Variants in ENTREP2 observed in about 807,000 individuals in gnomAD.
ENTREP2 encodes endosomal transmembrane epsin interactor 2.
the ENTREP2 span, among the ~76,000 whole-genome samples, chr15:29,435,466 T>C: frequency 1.3e-5 from 2 of 152,204 alleles, no homozygotes; most frequent in South Asian, 2.1e-4. Context: ...TGGGGCAAAT[T>C]TTCAGCACTG....
the ENTREP2 span, among the ~76,000 whole-genome samples, chr15:29,557,650 G>A: frequency 6.6e-6 from 1 of 152,180 alleles, no homozygotes; most frequent in Non-Finnish European, 1.5e-5. Flanking sequence ...TGCCCTAGCA[G>A]GCACTGTGTA....
the ENTREP2 span, among the ~76,000 whole-genome samples, chr15:29,119,055 G>GC: frequency 3.9e-5 from 6 of 152,226 alleles, no homozygotes; most frequent in South Asian, 4.2e-4. Flanking sequence ...TCACCTAGCC[G>GC]CCCAGAGGGT....
chr15:29,557,469 C>A, the ENTREP2 span, among the ~76,000 whole-genome samples: 1 of 152,172 alleles, frequency 6.6e-6, no homozygotes, highest in Non-Finnish European at 1.5e-5. Context: ...AGGCCCCTCT[C>A]TCCACCCTCC....
At chr15:29,356,716 T>A in the ENTREP2 span, among the ~76,000 whole-genome samples, 2 of 152,086 alleles carry the variant, frequency 1.3e-5, no homozygotes, top group Non-Finnish European at 2.9e-5. Flanking sequence ...AAAACTCCAA[T>A]GAAATACTCT....
At chr15:29,174,918 G>A in the ENTREP2 span, among the ~76,000 whole-genome samples, 2 of 152,232 alleles carry the variant, frequency 1.3e-5, no homozygotes, top group African/African-American at 4.8e-5. Context: ...TAAGCACATA[G>A]GTAATGCATG....
chr15:29,633,914 G>C, the ENTREP2 span, among the ~76,000 whole-genome samples: 1 of 152,086 alleles, frequency 6.6e-6, no homozygotes, highest in South Asian at 2.1e-4. Context: ...AGTCGAGATC[G>C]TGCCTCTGCA....
chr15:29,491,270 G>C, the ENTREP2 span, among the ~76,000 whole-genome samples: 1 of 152,170 alleles, frequency 6.6e-6, no homozygotes, highest in Non-Finnish European at 1.5e-5. Flanking sequence ...ACACCTCCCC[G>C]TAAGCAGAGG....
the ENTREP2 span, among the ~76,000 whole-genome samples, chr15:29,459,276 G>A: frequency 6.6e-6 from 1 of 152,188 alleles, no homozygotes; most frequent in African/African-American, 2.4e-5. Context: ...AAGATGGGGT[G>A]CAAGGACAGT....
chr15:29,187,175 G>A, the ENTREP2 span, among the ~76,000 whole-genome samples: 1 of 152,084 alleles, frequency 6.6e-6, no homozygotes, highest in Admixed American at 6.5e-5. Flanking sequence ...CAGGACAGAG[G>A]GAAGGATTGA....
chr15:29,643,652 A>G, the ENTREP2 span, among the ~76,000 whole-genome samples: 22,184 of 151,848 alleles, frequency 0.15, 3,166 homozygotes, highest in African/African-American at 0.38. Context: ...CATGGTGGTG[A>G]GCACCTGAGT....
chr15:29,176,593 T>C, the ENTREP2 span, among the ~76,000 whole-genome samples: 4 of 152,222 alleles, frequency 2.6e-5, no homozygotes, highest in African/African-American at 9.6e-5. Context: ...CCAGGAAGTG[T>C]GGCACATGCA....
chr15:29,528,076 G>A, the ENTREP2 span, among the ~76,000 whole-genome samples: 1 of 152,118 alleles, frequency 6.6e-6, no homozygotes, highest in African/African-American at 2.4e-5. Context: ...CTAGGTGAAG[G>A]TGACAAACTC....
the ENTREP2 span, among the ~76,000 whole-genome samples, chr15:29,321,251 G>T: frequency 6.6e-6 from 1 of 152,070 alleles, no homozygotes; most frequent in Non-Finnish European, 1.5e-5. Flanking sequence ...AATTACAGTC[G>T]ATTTATCATC....
chr15:29,241,435 C>A, the ENTREP2 span, among the ~76,000 whole-genome samples: 1 of 151,922 alleles, frequency 6.6e-6, no homozygotes, highest in African/African-American at 2.4e-5. Flanking sequence ...TGTGCATACA[C>A]AAAAATGGAT....
chr15:29,665,621 T>C, the ENTREP2 span, among the ~76,000 whole-genome samples: 1 of 152,116 alleles, frequency 6.6e-6, no homozygotes, highest in Admixed American at 6.5e-5. Context: ...CTGGCTGAGA[T>C]CTCTTTCTTC....
At chr15:29,160,951 C>T in the ENTREP2 span, among the ~76,000 whole-genome samples, 5 of 152,028 alleles carry the variant, frequency 3.3e-5, no homozygotes, top group Non-Finnish European at 7.4e-5. Context: ...AAATATCCAG[C>T]AATAGCTGTA....
the ENTREP2 span, among the ~76,000 whole-genome samples, chr15:29,299,608 A>G: frequency 6.6e-6 from 1 of 152,096 alleles, no homozygotes; most frequent in Non-Finnish European, 1.5e-5. Context: ...TGGCCTCCCT[A>G]TGAAAAATCA....
At chr15:29,480,035 T>C in the ENTREP2 span, among the ~76,000 whole-genome samples, 1 of 152,156 alleles carries the variant, frequency 6.6e-6, no homozygotes, top group Non-Finnish European at 1.5e-5. Context: ...AATTTGCTTG[T>C]TCACTACGCA....
chr15:29,236,188 T>C, the ENTREP2 span, among the ~76,000 whole-genome samples: 2 of 152,158 alleles, frequency 1.3e-5, no homozygotes, highest in African/African-American at 2.4e-5. Context: ...AAAATATAAC[T>C]ACAGACCCTG....
Sources: allele counts gnomAD v4.1 joint callset (sites outside exome capture counted in the v4.1 genomes callset), GRCh38; gene constraint gnomAD v4.1.1; transcripts MANE v1.5; gene names NCBI Gene and HGNC (gene_info 2026-07-23, HGNC 2026-07-21).